Variants in SETBP1 observed in about 807,000 individuals in gnomAD.
The protein encoded by SETBP1 is SET binding protein 1.
In SETBP1, 9 loss-of-function variants were observed where a neutral mutation model predicts 101.0. The observed-to-expected ratio is 0.09, with a 90% CI of 0.05 to 0.16. The LOEUF is 0.16. Among genes scored for constraint, SETBP1 ranks in the 10% least tolerant of loss-of-function variants. The probability of loss-of-function intolerance (pLI) is 1.00; values close to 1 mark genes in which losing one functional copy is unlikely to be tolerated. For synonymous variants in SETBP1, 818 were observed against 788.5 expected, an observed-to-expected ratio of 1.04 and a Z score of -0.63; for missense variants, 1,858 against 2,033.8, an observed-to-expected ratio of 0.91 and a Z score of 1.66.
At chr18:44,944,318 T>A (rs1162652312) in intron 3 of SETBP1, among the ~76,000 whole-genome samples, 1 of 152,212 alleles carries the variant, frequency 6.6e-6, no homozygotes, top group Non-Finnish European at 1.5e-5. Flanking sequence ...TGGTGGTTGG[T>A]TCTGCATGTT....
chr18:44,738,528 C>T (rs548498652), intron 2 of SETBP1, among the ~76,000 whole-genome samples: 1 of 152,292 alleles, frequency 6.6e-6, no homozygotes, highest in South Asian at 2.1e-4. Context: ...AATCCCAGCA[C>T]TTTGGGAGGC....
intron 2 of SETBP1, among the ~76,000 whole-genome samples, chr18:44,766,346 A>G (rs1446878612): frequency 2.0e-5 from 3 of 152,216 alleles, no homozygotes; most frequent in African/African-American, 7.2e-5. Context: ...TGGAATGATG[A>G]TATGGAACAT....
At chr18:44,728,909 A>C (rs1027318741) in intron 2 of SETBP1, among the ~76,000 whole-genome samples, 3 of 152,246 alleles carry the variant, frequency 2.0e-5, no homozygotes, top group African/African-American at 7.2e-5. Flanking sequence ...AGAACTAGGC[A>C]GTGGGAAGAA....
rs2072600866 is a variant in SETBP1, at chr18:45,000,793, A to ACACAC, written c.4001-37692_4001-37691insCACAC. Among the ~76,000 whole-genome samples the ACACAC allele has an allele frequency of 2.0e-5, 3 of 146,702 alleles. No homozygotes were observed. In the South Asian group the frequency reaches 6.7e-4, roughly 33 times the overall value. Reference sequence around the variant, plus strand: ...GCCATACATCAACGGGAATGCACACAACACACACACACACACACACACACA... The same window carrying ACACAC: ...GCCATACATCAACGGGAATGCACACACACACACACACACACACACACACACACACA... On this transcript the variant is annotated intron_variant, in intron 4 of 5. Transcript: ENST00000649279.
chr18:44,682,534 C>T (rs575760357), intron 1 of SETBP1, among the ~76,000 whole-genome samples: 7 of 152,240 alleles, frequency 4.6e-5, no homozygotes, highest in African/African-American at 1.7e-4. Flanking sequence ...CTGAGGGAGG[C>T]GTGAGCTCTT....
intron 2 of SETBP1, among the ~76,000 whole-genome samples, chr18:44,865,498 C>T (rs1055588627): frequency 3.9e-4 from 59 of 152,186 alleles, no homozygotes; most frequent in African/African-American, 1.4e-3. Flanking sequence ...AACTCTTTTG[C>T]GATATCCTGA....
chr18:44,803,410 G>T lies in SETBP1; in HGVS notation c.487-65820G>T, dbSNP rs2071651805. ...AGTTACATCGGAGCTAAATATAGCT[G>T]GTGCAGTCATGTCCACAGGATTGCA... On this transcript the variant is annotated intron_variant, in intron 2 of 5. Transcript: ENST00000649279. Among the ~76,000 whole-genome samples the T allele has an allele frequency of 3.3e-5, 5 of 152,114 alleles. No homozygotes were observed. In the South Asian group the frequency reaches 8.3e-4, roughly 25 times the overall value.
intron 2 of SETBP1, among the ~76,000 whole-genome samples, chr18:44,868,971 C>A (rs1464451091): frequency 6.6e-6 from 1 of 152,118 alleles, no homozygotes; most frequent in Non-Finnish European, 1.5e-5. Context: ...TAATTTAAGA[C>A]CCTCTGAAGA....
At chr18:44,960,734 T>C (rs1445136109) in intron 4 of SETBP1, among the ~76,000 whole-genome samples, 1 of 152,164 alleles carries the variant, frequency 6.6e-6, no homozygotes, top group Non-Finnish European at 1.5e-5. Flanking sequence ...CTAACCTCAA[T>C]TGGGCAAACT....
intron 5 of SETBP1, among the ~76,000 whole-genome samples, chr18:45,046,456 CTTAG>C (rs1283489800): frequency 2.0e-5 from 3 of 152,170 alleles, no homozygotes; most frequent in South Asian, 2.1e-4. Context: ...CAGCCCAGCC[CTTAG>C]TTAGTCCTCC....
At chr18:44,689,440 T>G (rs920691003) in intron 1 of SETBP1, among the ~76,000 whole-genome samples, 1 of 152,136 alleles carries the variant, frequency 6.6e-6, no homozygotes. Flanking sequence ...CTGTTATAAT[T>G]CAAACTAATC....
chr18:44,810,842 T>C (rs1424621426), intron 2 of SETBP1, among the ~76,000 whole-genome samples: 2 of 152,230 alleles, frequency 1.3e-5, no homozygotes, highest in Non-Finnish European at 2.9e-5. Flanking sequence ...GGACACTGGA[T>C]GTTGCCTCAC....
rs559664929 is a variant in SETBP1, at chr18:45,016,472, G to A, written c.4001-22013G>A. 2.6e-5 allele frequency among the ~76,000 whole-genome samples: 4 copies of A among 152,196 alleles called. No homozygotes were observed. In the East Asian group the frequency reaches 5.8e-4, roughly 22 times the overall value. On this transcript the variant is annotated intron_variant, in intron 4 of 5. Coordinates refer to ENST00000649279, the MANE Select transcript of SETBP1 (RefSeq NM_015559.3). ...ATCCCACAGAGTTCCCTGTCGCGGC[G>A]GAACCTTCTGTATCTTTGTTCTCTC...
intron 3 of SETBP1, among the ~76,000 whole-genome samples, chr18:44,875,329 C>A (rs566383698): frequency 6.6e-6 from 1 of 152,022 alleles, no homozygotes; most frequent in South Asian, 2.1e-4. Context: ...GACCTCCTGG[C>A]CAACATGGTG....
intron 2 of SETBP1, among the ~76,000 whole-genome samples, chr18:44,727,045 T>C (rs1190549372): frequency 6.6e-6 from 1 of 152,172 alleles, no homozygotes; most frequent in Non-Finnish European, 1.5e-5. Context: ...ATAAACATGT[T>C]TCAGTTTTGC....
At chr18:44,790,858 A>C (rs1212833758) in intron 2 of SETBP1, among the ~76,000 whole-genome samples, 3 of 152,356 alleles carry the variant, frequency 2.0e-5, no homozygotes, top group Non-Finnish European at 2.9e-5. Flanking sequence ...GGAGATAAAA[A>C]TGTACATTCC....
chr18:44,918,536 T>C (rs2070501285), intron 3 of SETBP1, among the ~76,000 whole-genome samples: 1 of 152,220 alleles, frequency 6.6e-6, no homozygotes, highest in Non-Finnish European at 1.5e-5. Context: ...ATCATAGGTT[T>C]CTTGTCATTA....
intron 4 of SETBP1, among the ~76,000 whole-genome samples, chr18:44,976,253 G>T (rs571942438): frequency 2.3e-4 from 35 of 152,302 alleles, no homozygotes; most frequent in Non-Finnish European, 4.0e-4. Flanking sequence ...GCCGCCGTGG[G>T]TTTTGGAGGC....
intron 3 of SETBP1, among the ~76,000 whole-genome samples, chr18:44,930,037 G>T (rs992691501): frequency 2.6e-4 from 40 of 152,302 alleles, no homozygotes; most frequent in African/African-American, 9.6e-4. Context: ...AATGCTTCCA[G>T]TTTTTGCCCA....
Sources: allele counts gnomAD v4.1 joint callset (sites outside exome capture counted in the v4.1 genomes callset), GRCh38; gene constraint gnomAD v4.1.1; transcripts MANE v1.5; gene names NCBI Gene and HGNC (gene_info 2026-07-23, HGNC 2026-07-21).